ACTR3B: variants seen among roughly 807,000 people sequenced by gnomAD.
ACTR3B encodes the protein actin related protein 3B, also known as actin-related protein 3B.
Under a neutral mutation model 59.0 loss-of-function variants are expected in ACTR3B, and 8 were observed. The ratio of observed to expected loss-of-function variants is 0.14; its 90% CI spans 0.08 to 0.24. The LOEUF is 0.24. Ranked by LOEUF, ACTR3B falls within the 10% of genes least tolerant of loss-of-function variation. The pLI, the probability that ACTR3B is intolerant of heterozygous loss-of-function variation, is 1.00. For synonymous variants in ACTR3B, 148 were observed against 197.9 expected (o/e 0.75, Z 2.12); for missense variants, 245 against 552.3 (o/e 0.44, Z 5.58).
At chr7:152,775,867 T>G (rs1231084584) in intron 1 of ACTR3B, among the ~76,000 whole-genome samples, 1 of 152,212 alleles carries the variant, frequency 6.6e-6, no homozygotes, top group Non-Finnish European at 1.5e-5. Context: ...AATGAGGTAG[T>G]GTAAGACTTC....
intron 4 of ACTR3B, chr7:152,812,228 A>G (rs372553771): frequency 1.1e-5 from 1 of 92,344 alleles, no homozygotes; most frequent in South Asian, 4.7e-4. Flanking sequence ...ATGGGGTTTC[A>G]CCATGTTGGT....
chr7:152,790,538 C>T (rs2098192191), intron 2 of ACTR3B, among the ~76,000 whole-genome samples: 1 of 151,944 alleles, frequency 6.6e-6, no homozygotes, highest in Admixed American at 6.6e-5. Context: ...ATATGAAGTA[C>T]ATGCTGAACT....
intron 7 of ACTR3B, among the ~76,000 whole-genome samples, chr7:152,822,542 C>G (rs919225652): frequency 1.3e-5 from 2 of 152,258 alleles, no homozygotes; most frequent in African/African-American, 4.8e-5. Flanking sequence ...CTTCAGTCCT[C>G]CCACCTGACT....
chr7:152,790,732 C>T (rs2098192770), intron 2 of ACTR3B, among the ~76,000 whole-genome samples: 1 of 151,948 alleles, frequency 6.6e-6, no homozygotes, highest in African/African-American at 2.4e-5. Flanking sequence ...TTGTTTATTC[C>T]TTCAAGCTTT....
In ACTR3B at chr7:152,790,224, C is replaced by T. The variant is rs146118642; in HGVS notation, c.100+6982C>T. ...CCTGTCCTGGTCTCGAACTTCTGGG[C>T]TCATGCAGTCCTCCCACCTTGGTCT... On this transcript the variant is annotated intron_variant, in intron 2 of 11. Coordinates refer to ENST00000256001, the MANE Select transcript of ACTR3B (RefSeq NM_020445.6). 5.8e-4 allele frequency among the ~76,000 whole-genome samples: 88 copies of T among 152,374 alleles called. 1 individual carries two copies. The highest frequency in any genetic ancestry group is 1.6e-3 in the African/African-American group (66 of 41,576).
chr7:152,789,180 A>G (rs2098186310), intron 2 of ACTR3B, among the ~76,000 whole-genome samples: 2 of 151,762 alleles, frequency 1.3e-5, no homozygotes, highest in Admixed American at 6.5e-5. Context: ...GCTTGAGCCC[A>G]GGAGTTTGAG....
chr7:152,855,375 T>C lies in ACTR3B; in HGVS notation c.*822T>C, dbSNP rs1799170222. 6.6e-6 allele frequency: 1 copy of C among 152,226 alleles called. No individual in the cohort carries two copies. 9.4% of individuals were successfully genotyped at this position (152,226 alleles called of 1,614,324 possible). The stretch of plus-strand genomic sequence containing the variant: ...TAAAAGCTGTTAGAATATTTGTAAA[T>C]ATCTTTCTGCTGTAGTGTGGTGGTC... On this transcript the variant is annotated 3_prime_UTR_variant, in exon 12 of 12. Coordinates refer to ENST00000256001, the MANE Select transcript of ACTR3B (RefSeq NM_020445.6).
At chr7:152,825,733 A>G (rs1440246435) in intron 9 of ACTR3B, among the ~76,000 whole-genome samples, 1 of 152,096 alleles carries the variant, frequency 6.6e-6, no homozygotes, top group Non-Finnish European at 1.5e-5. Flanking sequence ...GCCCTCCCCC[A>G]TGCTTTCCGT....
At chr7:152,770,096 A>G (rs1371253178) in intron 1 of ACTR3B, among the ~76,000 whole-genome samples, 1 of 152,052 alleles carries the variant, frequency 6.6e-6, no homozygotes, top group African/African-American at 2.4e-5. Context: ...TTTTCATACT[A>G]AAAGATTCTT....
chr7:152,813,772 TC>T (rs1293871096), intron 4 of ACTR3B: 3 of 142,832 alleles, frequency 2.1e-5, no homozygotes, highest in Admixed American at 7.2e-5. Context: ...CAAGTGATCC[TC>T]CCTCCTCAGC....
chr7:152,767,765 CTT>C (rs1027964293), intron 1 of ACTR3B, among the ~76,000 whole-genome samples: 9 of 151,716 alleles, frequency 5.9e-5, no homozygotes, highest in Non-Finnish European at 1.3e-4. Context: ...TCCATTTTAT[CTT>C]GTTTTTCTTG....
chr7:152,784,317 A>AT (rs2098164502), intron 2 of ACTR3B, among the ~76,000 whole-genome samples: 1 of 152,174 alleles, frequency 6.6e-6, no homozygotes, highest in South Asian at 2.1e-4. Context: ...ACAGGGAAAA[A>AT]ACAGCTGGAG....
At chr7:152,815,870 A>G (rs2116829028) in intron 5 of ACTR3B, among the ~76,000 whole-genome samples, 1 of 152,318 alleles carries the variant, frequency 6.6e-6, no homozygotes, top group East Asian at 1.9e-4. Context: ...TGAATTAGAA[A>G]TTAAAATCTT....
At chr7:152,789,057 CAACAACA>C (rs1236120060) in intron 2 of ACTR3B, among the ~76,000 whole-genome samples, 7 of 53,044 alleles carry the variant, frequency 1.3e-4, no homozygotes, top group African/African-American at 2.8e-4. Context: ...CAACAAACAG[CAACAACA>C]AACAACAACA....
chr7:152,836,163 T>A (rs1166055666), intron 9 of ACTR3B, among the ~76,000 whole-genome samples: 3 of 151,754 alleles, frequency 2.0e-5, no homozygotes, highest in African/African-American at 7.3e-5. Context: ...GGCCTTTGTC[T>A]GCTGTCTGGG....
intron 9 of ACTR3B, among the ~76,000 whole-genome samples, chr7:152,827,568 C>T (rs1796674800): frequency 6.6e-6 from 1 of 151,476 alleles, no homozygotes; most frequent in Admixed American, 6.6e-5. Flanking sequence ...ACGTGGTTCA[C>T]GTCTGGTGTG....
At chr7:152,832,240 G>A (rs533655125) in intron 9 of ACTR3B, among the ~76,000 whole-genome samples, 10 of 152,268 alleles carry the variant, frequency 6.6e-5, no homozygotes, top group African/African-American at 2.2e-4. Context: ...GGAGATACAG[G>A]AGCGGGGCAC....
intron 9 of ACTR3B, among the ~76,000 whole-genome samples, chr7:152,829,839 G>A (rs71541799): frequency 0.067 from 10,194 of 152,118 alleles, 462 homozygotes; most frequent in South Asian, 0.12. Context: ...GGGGAAGCCA[G>A]TTTGAATTGC....
chr7:152,764,397 A>G (rs1308369145), intron 1 of ACTR3B, among the ~76,000 whole-genome samples: 1 of 152,088 alleles, frequency 6.6e-6, no homozygotes, highest in Admixed American at 6.5e-5. Context: ...TGGGAGGCCG[A>G]GGATGTGGAT....
Sources: allele counts gnomAD v4.1 joint callset (sites outside exome capture counted in the v4.1 genomes callset), GRCh38; gene constraint gnomAD v4.1.1; transcripts MANE v1.5; gene names NCBI Gene and HGNC (gene_info 2026-07-23, HGNC 2026-07-21).